The following GSE1 variants were observed in gnomAD, a reference collection of about 807,000 sequenced individuals.
GSE1 encodes the protein Gse1 coiled-coil protein.
Under a neutral mutation model 112.6 loss-of-function variants are expected in GSE1, and 32 were observed. The ratio of observed to expected loss-of-function variants is 0.28; its 90% CI spans 0.21 to 0.38. The LOEUF (loss-of-function observed/expected upper bound fraction) is 0.38. Among genes scored for constraint, GSE1 ranks in the 10% least tolerant of loss-of-function variants. The pLI, the probability that GSE1 is intolerant of heterozygous loss-of-function variation, is 1.00. For synonymous variants in GSE1, 1,115 were observed against 735.6 expected (o/e 1.52, Z -8.35); for missense variants, 2,348 against 1,699.2 (o/e 1.38, Z -6.71).
chr16:85,565,216 C>A (rs2045689965), intron 1 of GSE1, among the ~76,000 whole-genome samples: 1 of 151,904 alleles, frequency 6.6e-6, no homozygotes, highest in South Asian at 2.1e-4. Context: ...ATGATGAAAC[C>A]CCGTCTCTAC....
At chr16:85,260,005 C>A (rs1211329394) in intron 1 of GSE1, among the ~76,000 whole-genome samples, 2 of 152,356 alleles carry the variant, frequency 1.3e-5, no homozygotes, top group Admixed American at 6.5e-5. Context: ...AGGCTCAGGG[C>A]TCCATCTGGC....
intron 1 of GSE1, among the ~76,000 whole-genome samples, chr16:85,183,043 C>T (rs2074625396): frequency 6.6e-6 from 1 of 152,184 alleles, no homozygotes; most frequent in Admixed American, 6.5e-5. Flanking sequence ...TGCATCACTC[C>T]CGTGCACACT....
At chr16:85,627,070 TTTTTTTA>T (rs1352610662) in intron 1 of GSE1, among the ~76,000 whole-genome samples, 4 of 102,368 alleles carry the variant, frequency 3.9e-5, no homozygotes, top group Non-Finnish European at 5.9e-5. Flanking sequence ...TTTTTTTTTT[TTTTTTTA>T]AAGCATTGTG....
chr16:85,183,316 C>T (rs1031393943), intron 1 of GSE1, among the ~76,000 whole-genome samples: 1 of 152,270 alleles, frequency 6.6e-6, no homozygotes, highest in Non-Finnish European at 1.5e-5. Flanking sequence ...TAGCTCTCAC[C>T]TGTGCCACTG....
chr16:85,602,730 G>A (rs942226527), intron 1 of GSE1, among the ~76,000 whole-genome samples: 3 of 152,214 alleles, frequency 2.0e-5, no homozygotes, highest in African/African-American at 7.2e-5. Flanking sequence ...TCTTTATGAA[G>A]GAAGACAGTT....
Position 85,674,688 on chromosome 16 carries a change from C to G in GSE1, c.*2149C>G, listed in dbSNP as rs144320004. 2.4e-4 allele frequency: 37 copies of G among 152,200 alleles called. No homozygotes were observed. Among genetic ancestry groups the G allele is most frequent in the African/African-American group, 8.9e-4 (37 of 41,446 alleles). 9.4% of individuals were successfully genotyped at this position (152,200 alleles called of 1,614,324 possible). On this transcript the variant is annotated 3_prime_UTR_variant, in exon 16 of 16. Transcript: ENST00000253458. The stretch of plus-strand genomic sequence containing the variant: ...CCGATAACTTAAAAACGTAGCTCAT[C>G]CCTTACCATCCAAGGGGCACTCCCT...
chr16:85,291,125 A>G (rs1597306620), intron 1 of GSE1, among the ~76,000 whole-genome samples: 1 of 152,216 alleles, frequency 6.6e-6, no homozygotes, highest in African/African-American at 2.4e-5. Flanking sequence ...CACTGTCATT[A>G]TCCCCATTTT....
At chr16:85,657,183 C>G in intron 7 of GSE1, 94 bp from the exon 8 acceptor site, 1 of 868,530 alleles carries the variant, frequency 1.2e-6, no homozygotes, top group Non-Finnish European at 1.7e-6. Flanking sequence ...TGGAAGGGCT[C>G]TGGTTTCTCT....
At chr16:85,660,203 C>T (rs1167955236) in intron 8 of GSE1, among the ~76,000 whole-genome samples, 3 of 152,196 alleles carry the variant, frequency 2.0e-5, no homozygotes, top group African/African-American at 7.2e-5. Context: ...GAGCGCTTGC[C>T]CTTAGGGGAA....
At chr16:85,388,650 GGATGGATGGA>G (rs1191986569) in intron 2 of GSE1, among the ~76,000 whole-genome samples, 2 of 151,474 alleles carry the variant, frequency 1.3e-5, no homozygotes, top group African/African-American at 4.9e-5. Flanking sequence ...GTGGGTGGAT[GGATGGATGGA>G]TGGATGGATG....
chr16:85,175,367 C>G (rs1403702709), intron 1 of GSE1, among the ~76,000 whole-genome samples: 1 of 152,178 alleles, frequency 6.6e-6, no homozygotes, highest in East Asian at 1.9e-4. Flanking sequence ...TGCAAGCTTC[C>G]CAAGGAAGCT....
intron 2 of GSE1, among the ~76,000 whole-genome samples, chr16:85,637,516 G>A (rs541304633): frequency 5.9e-5 from 9 of 152,220 alleles, no homozygotes; most frequent in South Asian, 2.1e-4. Context: ...GATCGCGGCA[G>A]TGGCTATGTA....
At chr16:85,474,560 G>C (rs1332803405) in intron 2 of GSE1, among the ~76,000 whole-genome samples, 5 of 152,032 alleles carry the variant, frequency 3.3e-5, no homozygotes, top group African/African-American at 9.7e-5. Flanking sequence ...CCCAGCCTTG[G>C]GGAACGTGCT....
At chr16:85,666,509 G>A (rs1416078227) in intron 13 of GSE1, 162 bp downstream of exon 13, 2 of 686,492 alleles carry the variant, frequency 2.9e-6, no homozygotes, top group South Asian at 3.8e-5. Flanking sequence ...AACCATGTTT[G>A]TTTGTTTATC....
Position 85,218,010 on chromosome 16 carries a change from C to T in GSE1, c.2283+46203C>T, listed in dbSNP as rs146632917. 4.6e-5 allele frequency among the ~76,000 whole-genome samples: 7 copies of T among 152,234 alleles called. No homozygotes were observed. The East Asian group carries it at 7.7e-4, about 17-fold the overall frequency. On this transcript the variant is annotated intron_variant, in intron 1 of 2. Coordinates refer to the GSE1 transcript ENST00000637419. ...CTGCCTCCTAGGTTCAAGCAATTATCGTGCCTCAGCCTCCTGTGTAACTGG... is the reference window on the plus strand; with the variant it reads ...CTGCCTCCTAGGTTCAAGCAATTATTGTGCCTCAGCCTCCTGTGTAACTGG...
intron 1 of GSE1, among the ~76,000 whole-genome samples, chr16:85,225,922 C>G (rs866041754): frequency 6.6e-6 from 1 of 152,160 alleles, no homozygotes; most frequent in African/African-American, 2.4e-5. Flanking sequence ...CATCTGAAGG[C>G]TCTGCTGGGG....
At chr16:85,334,152 A>G (rs2046434194) in intron 1 of GSE1, among the ~76,000 whole-genome samples, 1 of 152,090 alleles carries the variant, frequency 6.6e-6, no homozygotes, top group South Asian at 2.1e-4. Context: ...TCCTCGTCCC[A>G]CACATGATGC....
intron 2 of GSE1, among the ~76,000 whole-genome samples, chr16:85,426,085 G>T (rs2048976363): frequency 1.1e-5 from 1 of 94,942 alleles, no homozygotes; most frequent in Admixed American, 1.3e-4. Context: ...GTAGATGGAT[G>T]GGTGAATGAG....
At chr16:85,408,657 G>A (rs1236371888) in intron 2 of GSE1, among the ~76,000 whole-genome samples, 23 of 43,712 alleles carry the variant, frequency 5.3e-4, no homozygotes, top group South Asian at 1.0e-3. Flanking sequence ...AGGGCCCCCC[G>A]GATAATCCTC....
Sources: gnomAD v4.1 joint callset for allele counts (sites outside exome capture counted in the v4.1 genomes callset) on GRCh38, gnomAD v4.1.1 for gene constraint, MANE v1.5 for transcripts, NCBI Gene and HGNC (gene_info 2026-07-23, HGNC 2026-07-21) for gene names.